The following GRIA4 variants were observed in gnomAD, a reference collection of about 807,000 sequenced individuals.
GRIA4 encodes glutamate ionotropic receptor AMPA type subunit 4.
GRIA4 carries 34 observed loss-of-function variants against 104.0 expected under a neutral mutation model. The ratio of observed to expected loss-of-function variants is 0.33; its 90% CI spans 0.25 to 0.44. The LOEUF (loss-of-function observed/expected upper bound fraction) is 0.44, where lower values mean the gene tolerates loss of function less well. Among genes scored for constraint, GRIA4 ranks in the 20% least tolerant of loss-of-function variants. The pLI, the probability that GRIA4 is intolerant of heterozygous loss-of-function variation, is 1.00. For synonymous variants in GRIA4, 386 were observed against 381.9 expected (o/e 1.01, Z -0.13); for missense variants, 750 against 1,096.5 (o/e 0.68, Z 4.46).
chr11:105,686,805 T>C (rs1213952128), intron 3 of GRIA4, among the ~76,000 whole-genome samples: 2 of 152,218 alleles, frequency 1.3e-5, no homozygotes, highest in Non-Finnish European at 2.9e-5. Context: ...TAGTTTCGAT[T>C]TGTATTTCTC....
chr11:105,670,051 G>A (rs1387153960), intron 3 of GRIA4, among the ~76,000 whole-genome samples: 1 of 152,032 alleles, frequency 6.6e-6, no homozygotes, highest in Non-Finnish European at 1.5e-5. Flanking sequence ...CTTTAGACTA[G>A]ATGGCTGTAG....
At chr11:105,627,683 C>T (rs1950922686) in intron 3 of GRIA4, among the ~76,000 whole-genome samples, 1 of 152,144 alleles carries the variant, frequency 6.6e-6, no homozygotes, top group African/African-American at 2.4e-5. Flanking sequence ...CTTAGCTTAT[C>T]ATTGCAACCA....
chr11:105,733,740 C>T (rs1343251903), intron 3 of GRIA4, among the ~76,000 whole-genome samples: 1 of 152,000 alleles, frequency 6.6e-6, no homozygotes, highest in African/African-American at 2.4e-5. Flanking sequence ...AGGAGTGAGC[C>T]ACCATGCCTG....
At chr11:105,918,254 A>C (rs1468810546) in intron 10 of GRIA4, among the ~76,000 whole-genome samples, 2 of 152,202 alleles carry the variant, frequency 1.3e-5, no homozygotes, top group Admixed American at 6.6e-5. Flanking sequence ...TTTTTCTTAA[A>C]GGAAGTCACA....
At chr11:105,757,003 T>A (rs1205149134) in intron 4 of GRIA4, among the ~76,000 whole-genome samples, 2 of 152,016 alleles carry the variant, frequency 1.3e-5, no homozygotes, top group African/African-American at 4.8e-5. Flanking sequence ...GATACAGGTA[T>A]AAAAATAACA....
chr11:105,930,378 T>G (rs751269922), intron 13 of GRIA4, among the ~76,000 whole-genome samples: 7 of 152,090 alleles, frequency 4.6e-5, no homozygotes, highest in African/African-American at 9.7e-5. Flanking sequence ...TCTTTCCATT[T>G]TATCTGTATT....
At chr11:105,966,073 T>A (rs1244895022) in intron 14 of GRIA4, 1 of 1,560,148 alleles carries the variant, frequency 6.4e-7, no homozygotes, top group South Asian at 1.1e-5. Context: ...TTAGCCTCAA[T>A]GTCACCAAAA....
At chr11:105,750,233 T>C (rs1008478875) in intron 3 of GRIA4, among the ~76,000 whole-genome samples, 1 of 152,110 alleles carries the variant, frequency 6.6e-6, no homozygotes, top group Non-Finnish European at 1.5e-5. Context: ...GCCCAAGGTA[T>C]CATACTAACA....
chr11:105,932,243 A>G (rs1228823841), intron 13 of GRIA4, among the ~76,000 whole-genome samples: 2 of 151,966 alleles, frequency 1.3e-5, no homozygotes, highest in East Asian at 1.9e-4. Flanking sequence ...GGTCTGAGCA[A>G]TTCTCATGCC....
rs145685023 is a variant in GRIA4 at position 105,918,822 on chromosome 11, C to T, written c.1380C>T (p.Ile460=). 9 of 1,602,800 alleles carry T rather than the reference C, an allele frequency of 5.6e-6. No homozygotes were observed. Among genetic ancestry groups the T allele is most frequent in the African/African-American group, 1.3e-5 (1 of 74,600 alleles). The change falls in exon 11 of 17, where the codon ATC becomes ATT. Residue 460 remains isoleucine (I), a synonymous_variant. Coordinates refer to ENST00000282499, the MANE Select transcript of GRIA4 (RefSeq NM_000829.4). ...CTGAAATTGCAAAACATATTGGTAT[C>T]AAGTATAAAATTGCCATTGTCCCTG... ...LASEIAKHIG[I]KYKIAIVPDG...
intron 3 of GRIA4, among the ~76,000 whole-genome samples, chr11:105,698,934 C>T (rs1372973923): frequency 6.6e-6 from 1 of 152,200 alleles, no homozygotes; most frequent in African/African-American, 2.4e-5. Context: ...AGGAAGTCAG[C>T]CCCAAGTCTT....
At chr11:105,841,811 T>G (rs1944404362) in intron 4 of GRIA4, among the ~76,000 whole-genome samples, 1 of 152,126 alleles carries the variant, frequency 6.6e-6, no homozygotes, top group East Asian at 1.9e-4. Flanking sequence ...GTCTTCCGAT[T>G]TAAACAGGTT....
intron 10 of GRIA4, chr11:105,913,519 A>G (rs1947316199): frequency 1.3e-6 from 1 of 749,986 alleles, no homozygotes; most frequent in South Asian, 6.1e-5. Flanking sequence ...ATATTGATTT[A>G]ACTTTTTGTA....
chr11:105,978,835 G>T (rs767953536), intron 16 of GRIA4, among the ~76,000 whole-genome samples: 4 of 152,146 alleles, frequency 2.6e-5, no homozygotes, highest in Non-Finnish European at 5.9e-5. Context: ...AATGTTATCT[G>T]CTATGTAATG....
chr11:105,796,670 C>T (rs1005513112), intron 4 of GRIA4, among the ~76,000 whole-genome samples: 6 of 152,030 alleles, frequency 3.9e-5, no homozygotes, highest in African/African-American at 1.4e-4. Flanking sequence ...AAGAAAGTAA[C>T]ATTAAGAAAG....
chr11:105,952,425 A>C (rs537867874), intron 14 of GRIA4, among the ~76,000 whole-genome samples: 1 of 152,282 alleles, frequency 6.6e-6, no homozygotes, highest in East Asian at 1.9e-4. Context: ...AATATTTGTA[A>C]ATATTACCTA....
intron 14 of GRIA4, among the ~76,000 whole-genome samples, chr11:105,960,602 T>G (rs547062625): frequency 6.6e-6 from 1 of 152,150 alleles, no homozygotes; most frequent in South Asian, 2.1e-4. Context: ...CTGCCGCCCC[T>G]CCCCCAAGGA....
intron 14 of GRIA4, among the ~76,000 whole-genome samples, chr11:105,959,145 G>T (rs1190897764): frequency 6.6e-6 from 1 of 152,110 alleles, no homozygotes. Flanking sequence ...TCCTGAATTT[G>T]AATGTTGGCT....
At chr11:105,674,139 T>A (rs2135446771) in intron 3 of GRIA4, among the ~76,000 whole-genome samples, 1 of 152,196 alleles carries the variant, frequency 6.6e-6, no homozygotes, top group South Asian at 2.1e-4. Context: ...TGAGCACTTT[T>A]AATATGTATT....
Sources: allele counts gnomAD v4.1 joint callset (sites outside exome capture counted in the v4.1 genomes callset), GRCh38; gene constraint gnomAD v4.1.1; transcripts MANE v1.5; gene names NCBI Gene and HGNC (gene_info 2026-07-23, HGNC 2026-07-21).